KLF12: variants seen among roughly 807,000 people sequenced by gnomAD.
KLF12 encodes KLF transcription factor 12, also known as Krueppel-like factor 12.
A neutral mutation model predicts 37.8 loss-of-function variants in KLF12; 9 were observed. The observed-to-expected ratio is 0.24, with a 90% CI of 0.14 to 0.42. The LOEUF is 0.42. Ranked by LOEUF, KLF12 falls within the 10% of genes least tolerant of loss-of-function variation. KLF12 has a pLI of 1.00. For missense variants in KLF12, 411 were observed against 516.0 expected, an observed-to-expected ratio of 0.80 and a Z score of 1.97; for synonymous variants, 208 against 202.1, an observed-to-expected ratio of 1.03 and a Z score of -0.25.
intron 6 of KLF12, among the ~76,000 whole-genome samples, chr13:73,762,225 C>A (rs143747765): frequency 6.6e-6 from 1 of 152,152 alleles, no homozygotes; most frequent in Non-Finnish European, 1.5e-5. Flanking sequence ...TGGGTATGTA[C>A]AATATTACCA....
the KLF12 span, among the ~76,000 whole-genome samples, chr13:74,236,789 GTTGT>G: frequency 8.5e-6 from 1 of 118,062 alleles, no homozygotes; most frequent in Non-Finnish European, 1.6e-5. Flanking sequence ...TTTTGATGGG[GTTGT>G]TTTTTTCTTG....
the KLF12 span, among the ~76,000 whole-genome samples, chr13:74,185,340 G>C: frequency 3.9e-5 from 6 of 152,312 alleles, no homozygotes; most frequent in Admixed American, 3.9e-4. Context: ...AGAGGCCTCT[G>C]AAACAACAGA....
chr13:74,039,681 G>C (rs1245819624), intron 1 of KLF12, among the ~76,000 whole-genome samples: 1 of 152,076 alleles, frequency 6.6e-6, no homozygotes, highest in African/African-American at 2.4e-5. Context: ...CTGGAAATAG[G>C]GGGAAATAAA....
chr13:74,117,210 T>C (rs1002285298), intron 1 of KLF12, among the ~76,000 whole-genome samples: 2 of 152,118 alleles, frequency 1.3e-5, no homozygotes, highest in Non-Finnish European at 2.9e-5. Context: ...CATTCTACAA[T>C]GAAATGAGAG....
chr13:73,996,766 T>C (rs1488202711), intron 1 of KLF12, among the ~76,000 whole-genome samples: 1 of 152,036 alleles, frequency 6.6e-6, no homozygotes, highest in Non-Finnish European at 1.5e-5. Context: ...GAGCCTCCAA[T>C]CAGGAAGAAG....
At chr13:74,165,453 C>G in the KLF12 span, among the ~76,000 whole-genome samples, 1 of 152,034 alleles carries the variant, frequency 6.6e-6, no homozygotes, top group Non-Finnish European at 1.5e-5. Flanking sequence ...TGCCTGCCAC[C>G]ATGCCCAGCT....
the KLF12 span, among the ~76,000 whole-genome samples, chr13:74,277,998 G>T: frequency 6.6e-6 from 1 of 152,192 alleles, no homozygotes; most frequent in African/African-American, 2.4e-5. Flanking sequence ...AGGAGAGATA[G>T]GTTGGGGCAA....
intron 1 of KLF12, among the ~76,000 whole-genome samples, chr13:74,020,461 A>G (rs536373833): frequency 6.6e-6 from 1 of 152,344 alleles, no homozygotes; most frequent in Admixed American, 6.5e-5. Context: ...TTTAGAATGC[A>G]CTCTAATTTT....
chr13:74,071,470 A>T (rs903994408), intron 1 of KLF12, among the ~76,000 whole-genome samples: 1 of 152,032 alleles, frequency 6.6e-6, no homozygotes, highest in Non-Finnish European at 1.5e-5. Flanking sequence ...GCGGATCACA[A>T]GGTCAGGAGA....
At chr13:74,129,425 G>C (rs183860364) in intron 1 of KLF12, among the ~76,000 whole-genome samples, 3 of 152,160 alleles carry the variant, frequency 2.0e-5, no homozygotes, top group African/African-American at 7.2e-5. Flanking sequence ...TGTCACACTT[G>C]GGACACAATT....
At chr13:73,859,837 A>T (rs1885821714) in intron 3 of KLF12, among the ~76,000 whole-genome samples, 1 of 152,092 alleles carries the variant, frequency 6.6e-6, no homozygotes, top group Non-Finnish European at 1.5e-5. Flanking sequence ...GAAACCAAAA[A>T]CCTCATTAGA....
intron 2 of KLF12, among the ~76,000 whole-genome samples, chr13:73,954,591 T>C (rs917891189): frequency 6.6e-6 from 1 of 152,216 alleles, no homozygotes; most frequent in African/African-American, 2.4e-5. Flanking sequence ...GTTGTAGCAG[T>C]TTGCATTGTC....
At chr13:74,298,187 A>G in the KLF12 span, among the ~76,000 whole-genome samples, 1 of 152,194 alleles carries the variant, frequency 6.6e-6, no homozygotes, top group African/African-American at 2.4e-5. Context: ...CTCTGTCACT[A>G]CAGATGCCTG....
intron 1 of KLF12, among the ~76,000 whole-genome samples, chr13:74,117,589 T>G (rs1877381971): frequency 6.6e-6 from 1 of 151,978 alleles, no homozygotes; most frequent in Non-Finnish European, 1.5e-5. Context: ...AGTAAGGAAA[T>G]GGAAAAAAAT....
At chr13:73,950,152 T>C (rs1394274957) in intron 2 of KLF12, among the ~76,000 whole-genome samples, 1 of 152,194 alleles carries the variant, frequency 6.6e-6, no homozygotes, top group East Asian at 1.9e-4. Context: ...GTTGGTAAAG[T>C]GCCAAGCTAT....
chr13:74,222,190 TGGTTAGCCTCTTG>T, the KLF12 span, among the ~76,000 whole-genome samples: 4 of 152,232 alleles, frequency 2.6e-5, no homozygotes, highest in Non-Finnish European at 4.4e-5. Context: ...AATAGAAATG[TGGTTAGCCTCTTG>T]GGGCACTCTA....
At chr13:73,947,339 T>A (rs1890471256) in intron 2 of KLF12, among the ~76,000 whole-genome samples, 1 of 152,152 alleles carries the variant, frequency 6.6e-6, no homozygotes, top group Non-Finnish European at 1.5e-5. Context: ...ATAATCTTGA[T>A]ATCCCATTTA....
At chr13:73,888,259 C>T (rs1887331253) in intron 3 of KLF12, among the ~76,000 whole-genome samples, 2 of 152,162 alleles carry the variant, frequency 1.3e-5, no homozygotes, top group South Asian at 4.1e-4. Context: ...CTGCCCTAGC[C>T]TCCCAAATTG....
At chr13:73,993,518 A>G (rs893688401) in intron 2 of KLF12, among the ~76,000 whole-genome samples, 2 of 152,258 alleles carry the variant, frequency 1.3e-5, no homozygotes, top group Non-Finnish European at 2.9e-5. Flanking sequence ...AAATTTAATG[A>G]CAACTGAACA....
Sources: allele counts gnomAD v4.1 joint callset (sites outside exome capture counted in the v4.1 genomes callset), GRCh38; gene constraint gnomAD v4.1.1; transcripts MANE v1.5; gene names NCBI Gene and HGNC (gene_info 2026-07-23, HGNC 2026-07-21).